Variants in DDHD1 observed in about 807,000 individuals in gnomAD.
DDHD1 encodes DDHD domain containing 1, also known as phospholipase DDHD1.
A neutral mutation model predicts 96.4 loss-of-function variants in DDHD1; 49 were observed. The ratio of observed to expected loss-of-function variants is 0.51; its 90% CI spans 0.40 to 0.64. The LOEUF (loss-of-function observed/expected upper bound fraction) is 0.64, where lower values mean the gene tolerates loss of function less well. Among genes scored for constraint, DDHD1 ranks in the 30% least tolerant of loss-of-function variants. The pLI is 0.00. For missense variants in DDHD1, 1,106 were observed against 1,161.2 expected (o/e 0.95, Z 0.69); for synonymous variants, 442 against 446.5 (o/e 0.99, Z 0.13).
In DDHD1 at chr14:53,073,727, T is replaced by G. The variant is rs1406967544; in HGVS notation, c.1396+14A>C. The G allele has an allele frequency of 5.7e-6, 9 of 1,585,314 alleles. No homozygotes were observed. The African/African-American group carries it at 1.1e-4, about 19-fold the overall frequency. On this transcript the variant is annotated intron_variant, in intron 5 of 12. Coordinates refer to ENST00000673822, the MANE Select transcript of DDHD1 (RefSeq NM_001160148.2). ...TGCCATTGGCTAAATCATTCAATTT[T>G]TAAATAAATATACCTCCATCAAGAG... is the stretch of plus-strand genomic sequence containing the variant.
rs1881993513 is a variant in DDHD1 at position 53,046,156 on chromosome 14, T to C, written c.*612A>G. The C allele has an allele frequency of 6.6e-6, 1 of 152,190 alleles. No homozygotes were observed. The highest frequency in any genetic ancestry group is 1.5e-5 in the Non-Finnish European group (1 of 68,008). The allele number at this position is 152,190 out of a possible 1,614,324, so 9.4% of individuals were successfully genotyped here. A position where few individuals can be genotyped will look rare whatever the true frequency, so the allele number is the denominator to read the frequency against. On this transcript the variant is annotated 3_prime_UTR_variant, in exon 13 of 13. Coordinates refer to ENST00000673822, the MANE Select transcript of DDHD1 (RefSeq NM_001160148.2). Reference sequence around the variant, plus strand: ...TAGAAAATAAATCTGGTTCTTAAATTATGTTCAAAGCAAACATTAAAACAG... The same window carrying C: ...TAGAAAATAAATCTGGTTCTTAAATCATGTTCAAAGCAAACATTAAAACAG...
At chr14:53,071,001 T>C (rs968950080) in intron 6 of DDHD1, among the ~76,000 whole-genome samples, 2 of 152,150 alleles carry the variant, frequency 1.3e-5, no homozygotes, top group African/African-American at 2.4e-5. Flanking sequence ...AGAATTTTAC[T>C]CAGAATTCAG....
chr14:53,132,769 C>G (rs1889970185), intron 1 of DDHD1, among the ~76,000 whole-genome samples: 1 of 152,194 alleles, frequency 6.6e-6, no homozygotes, highest in Non-Finnish European at 1.5e-5. Flanking sequence ...CAAAAGGAAG[C>G]TGGAATCATT....
chr14:53,126,130 G>A (rs2139818893), intron 1 of DDHD1, among the ~76,000 whole-genome samples: 1 of 152,208 alleles, frequency 6.6e-6, no homozygotes, highest in South Asian at 2.1e-4. Flanking sequence ...GTGATCACTG[G>A]TTCCCAACTA....
chr14:53,125,922 C>T (rs1889391029), intron 1 of DDHD1, among the ~76,000 whole-genome samples: 2 of 152,086 alleles, frequency 1.3e-5, no homozygotes, highest in African/African-American at 4.8e-5. Flanking sequence ...AGGCTGGTCT[C>T]GAACTCCTGA....
chr14:53,123,618 GA>G (rs1889180275), intron 1 of DDHD1, among the ~76,000 whole-genome samples: 1 of 152,150 alleles, frequency 6.6e-6, no homozygotes, highest in Non-Finnish European at 1.5e-5. Context: ...GTTAAATCTT[GA>G]AAACCTGTAT....
chr14:53,138,992 C>T (rs1237472214), intron 1 of DDHD1, among the ~76,000 whole-genome samples: 1 of 151,582 alleles, frequency 6.6e-6, no homozygotes, highest in Non-Finnish European at 1.5e-5. Flanking sequence ...CTCCCTATCT[C>T]ACCTAAGGAA....
chr14:53,052,691 T>C (rs1297062132), intron 11 of DDHD1: 1 of 152,032 alleles, frequency 6.6e-6, no homozygotes, highest in Non-Finnish European at 1.5e-5. Flanking sequence ...AGTCCAATTT[T>C]AATAGTTATA....
At chr14:53,096,661 AG>A (rs1261898636) in intron 2 of DDHD1, among the ~76,000 whole-genome samples, 1 of 151,994 alleles carries the variant, frequency 6.6e-6, no homozygotes, top group Non-Finnish European at 1.5e-5. Context: ...AACCTTCCTG[AG>A]AAGATACCAC....
intron 6 of DDHD1, among the ~76,000 whole-genome samples, chr14:53,066,631 T>C (rs1375644509): frequency 1.3e-5 from 2 of 152,134 alleles, no homozygotes; most frequent in Non-Finnish European, 2.9e-5. Flanking sequence ...ACCAATGCCA[T>C]GTTAATGTAT....
chr14:53,142,169 G>C (rs1459952364), intron 1 of DDHD1, among the ~76,000 whole-genome samples: 4 of 152,192 alleles, frequency 2.6e-5, no homozygotes, highest in African/African-American at 9.6e-5. Flanking sequence ...TATAACTATG[G>C]TAAATCAAGG....
chr14:53,054,361 A>G (rs1024613511), intron 11 of DDHD1, 77 bp downstream of exon 11: 4 of 1,361,112 alleles, frequency 2.9e-6, no homozygotes, highest in Admixed American at 2.0e-5. Context: ...GCTAGTATTA[A>G]TATTTTATAC....
At chr14:53,067,459 C>CT (rs774228803) in intron 6 of DDHD1, among the ~76,000 whole-genome samples, 4,740 of 134,608 alleles carry the variant, frequency 0.035, 224 homozygotes, top group African/African-American at 0.11. Context: ...TGTCTAGCCT[C>CT]TTTTTTTTTT....
intron 12 of DDHD1, among the ~76,000 whole-genome samples, chr14:53,047,610 G>C (rs1882131888): frequency 6.6e-6 from 1 of 152,166 alleles, no homozygotes; most frequent in African/African-American, 2.4e-5. Context: ...GGCTGGGAAA[G>C]TTAAACAGGG....
chr14:53,105,481 G>T (rs1887618649), intron 1 of DDHD1, among the ~76,000 whole-genome samples: 1 of 152,050 alleles, frequency 6.6e-6, no homozygotes, highest in Non-Finnish European at 1.5e-5. Context: ...GTGTCATTTG[G>T]TACCTAGATA....
At chr14:53,067,916 C>T (rs181859862) in intron 6 of DDHD1, among the ~76,000 whole-genome samples, 188 of 152,150 alleles carry the variant, frequency 1.2e-3, no homozygotes, top group Admixed American at 4.6e-3. Flanking sequence ...ACACATAAAC[C>T]GTCACCTTTT....
chr14:53,118,461 C>A (rs114993832), intron 1 of DDHD1, among the ~76,000 whole-genome samples: 1,593 of 152,238 alleles, frequency 0.01, 31 homozygotes, highest in African/African-American at 0.035. Flanking sequence ...GTAAAGAAGA[C>A]CTTAAGTGAC....
rs1026403256 is a variant in DDHD1, at chr14:53,122,725, A to AT, written c.839-18870dup. 8.1e-4 allele frequency among the ~76,000 whole-genome samples: 120 copies of AT among 148,760 alleles called. 4 individuals are homozygous for AT. In the East Asian group the frequency reaches 0.016, roughly 20 times the overall value. On this transcript the variant is annotated intron_variant, in intron 1 of 12. Transcript: ENST00000673822. Reference sequence around the variant, plus strand: ...AGGCACCTGCCACCATGCCTGGCTAATTTTTTTTTTAATTTTTATTTTTAG... The same window carrying AT: ...AGGCACCTGCCACCATGCCTGGCTAATTTTTTTTTTTAATTTTTATTTTTAG...
intron 1 of DDHD1, among the ~76,000 whole-genome samples, chr14:53,112,982 C>T (rs563483620): frequency 6.6e-6 from 1 of 152,064 alleles, no homozygotes; most frequent in African/African-American, 2.4e-5. Flanking sequence ...TTTTTTGAGA[C>T]ACAGTCTCAC....
Sources: gnomAD v4.1 joint callset for allele counts (sites outside exome capture counted in the v4.1 genomes callset) on GRCh38, gnomAD v4.1.1 for gene constraint, MANE v1.5 for transcripts, NCBI Gene and HGNC (gene_info 2026-07-23, HGNC 2026-07-21) for gene names.